WIF1: variants seen among roughly 807,000 people sequenced by gnomAD.
WIF1 encodes the protein Wnt inhibitory factor 1.
In WIF1, 35 loss-of-function variants were observed where a neutral mutation model predicts 53.5. The ratio of observed to expected loss-of-function variants is 0.65; its 90% CI spans 0.50 to 0.87. The LOEUF (loss-of-function observed/expected upper bound fraction) is 0.87. WIF1 is among the 40% of genes least tolerant of loss of function. WIF1 has a pLI of 0.00. For missense variants in WIF1, 467 were observed against 476.8 expected (o/e 0.98, Z 0.19); for synonymous variants, 171 against 170.4 (o/e 1.00, Z -0.03).
intron 7 of WIF1, among the ~76,000 whole-genome samples, chr12:65,061,760 A>ATTT (rs958478519): frequency 2.0e-5 from 3 of 152,198 alleles, no homozygotes; most frequent in African/African-American, 7.2e-5. Context: ...AGATATTTTT[A>ATTT]TTTACATAAA....
rs531152628 is a variant in WIF1 at position 65,099,340 on chromosome 12, C to T, written c.288+21077G>A. On this transcript the variant is annotated intron_variant, in intron 2 of 9. Transcript: ENST00000286574. ...AATGATTTCCCTCCATCAGACCTGC[C>T]CATTTCCCTCCTATTTGCCGCATGT... is the stretch of plus-strand genomic sequence containing the variant. 3.4e-3 allele frequency among the ~76,000 whole-genome samples: 511 copies of T among 152,256 alleles called. 2 individuals are homozygous for T. Among genetic ancestry groups the T allele is most frequent in the Non-Finnish European group, 6.0e-3 (411 of 68,024 alleles).
At chr12:65,108,565 G>A (rs1329773860) in intron 2 of WIF1, among the ~76,000 whole-genome samples, 2 of 152,126 alleles carry the variant, frequency 1.3e-5, no homozygotes, top group Non-Finnish European at 2.9e-5. Context: ...CAATCTCAAA[G>A]TCATCTCTAT....
chr12:65,079,764 A>G (rs1366181772), intron 2 of WIF1, among the ~76,000 whole-genome samples: 3 of 152,180 alleles, frequency 2.0e-5, no homozygotes, highest in African/African-American at 4.8e-5. Context: ...TTACCTGTAG[A>G]GACATCCAGA....
intron 2 of WIF1, among the ~76,000 whole-genome samples, chr12:65,116,247 G>GT (rs1159188100): frequency 2.0e-5 from 3 of 152,128 alleles, no homozygotes; most frequent in African/African-American, 4.8e-5. Context: ...TCCATGGCCT[G>GT]TTAGGAACCA....
chr12:65,052,156 C>T (rs7960504), intron 9 of WIF1, among the ~76,000 whole-genome samples: 61,987 of 151,970 alleles, frequency 0.41, 13,132 homozygotes, highest in African/African-American at 0.5. Flanking sequence ...CATTTCTCAT[C>T]TCCTAAAACT....
chr12:65,068,625 T>C (rs1246081299), intron 4 of WIF1, 139 bp downstream of exon 4: 8 of 1,145,626 alleles, frequency 7.0e-6, no homozygotes, highest in Non-Finnish European at 9.7e-6. Flanking sequence ...TTGCTGTAGT[T>C]ATAGAGCCAT....
chr12:65,095,383 C>T (rs1363618230), intron 2 of WIF1, among the ~76,000 whole-genome samples: 2 of 152,154 alleles, frequency 1.3e-5, no homozygotes, highest in Admixed American at 6.5e-5. Flanking sequence ...AACTTTTCCT[C>T]TTGTAAATAT....
intron 2 of WIF1, among the ~76,000 whole-genome samples, chr12:65,112,674 C>T (rs887040026): frequency 2.6e-5 from 4 of 152,154 alleles, no homozygotes; most frequent in African/African-American, 9.7e-5. Flanking sequence ...GACTCTCTCT[C>T]CATTATTTGG....
In WIF1 at chr12:65,051,452, A is replaced by G. The variant is rs984091194; in HGVS notation, c.1037T>C (p.Ile346Thr). 3.7e-6 allele frequency: 6 copies of G among 1,611,444 alleles called. No individual in the cohort carries two copies. The highest frequency in any genetic ancestry group is 5.1e-6 in the Non-Finnish European group (6 of 1,179,042). The change falls in exon 10 of 10, where the codon ATA (isoleucine) becomes ACA (threonine). Residue 346 changes from isoleucine (I) to threonine (T), a missense_variant. By Grantham distance (89) the Ile-to-Thr change is moderately conservative (BLOSUM62 -1). Transcript: ENST00000286574. ...GGCGCCTGCTGGCCTCAGGGCATGT[A>G]TGAGGCTGGCTTCGTACCCTGCAAA... Reference protein sequence around the residue: ...HCNKRYEASLIHALRPAGAQL... With the variant: ...HCNKRYEASLTHALRPAGAQL...
At chr12:65,082,715 T>C (rs1459798186) in intron 2 of WIF1, among the ~76,000 whole-genome samples, 1 of 152,184 alleles carries the variant, frequency 6.6e-6, no homozygotes, top group Non-Finnish European at 1.5e-5. Flanking sequence ...GTTCTGGCAC[T>C]CCTTTTAGGG....
chr12:65,119,858 A>G (rs1419221669), intron 2 of WIF1, among the ~76,000 whole-genome samples: 1 of 152,250 alleles, frequency 6.6e-6, no homozygotes, highest in Admixed American at 6.5e-5. Flanking sequence ...ATATGAAAGC[A>G]TTTAAAATGG....
chr12:65,089,942 A>AT (rs11388923), intron 2 of WIF1, among the ~76,000 whole-genome samples: 83,158 of 151,990 alleles, frequency 0.55, 25,163 homozygotes, highest in East Asian at 0.87. Flanking sequence ...TGACTAATCT[A>AT]TTTTTTGTGG....
rs1360500675 is a variant in WIF1, at chr12:65,067,856, G to C, written c.539-66C>G. 3 of 1,372,032 alleles carry C rather than the reference G, an allele frequency of 2.2e-6. No individual in the cohort carries two copies. The East Asian group carries it at 7.0e-5, about 32-fold the overall frequency. The allele number at this position is 1,372,032 out of a possible 1,614,324, so 85.0% of individuals were successfully genotyped here. ...AATCATGTTGGGTGAATCACAGCCA[G>C]TGTGAGACAGTAGTGTTCATTTCTG... On this transcript the variant is annotated intron_variant, in intron 4 of 9. Coordinates refer to ENST00000286574, the MANE Select transcript of WIF1 (RefSeq NM_007191.5).
chr12:65,077,354 T>G (rs113762805), intron 3 of WIF1, among the ~76,000 whole-genome samples: 7 of 94,966 alleles, frequency 7.4e-5, no homozygotes, highest in Admixed American at 2.5e-4. Flanking sequence ...TTTTGGGGAA[T>G]TTTCTTGACT....
intron 9 of WIF1, among the ~76,000 whole-genome samples, chr12:65,054,535 G>T (rs1234839610): frequency 6.6e-6 from 1 of 152,104 alleles, no homozygotes; most frequent in Non-Finnish European, 1.5e-5. Flanking sequence ...ATTTTTGGTA[G>T]TAAATTTTGA....
intron 2 of WIF1, among the ~76,000 whole-genome samples, chr12:65,087,949 C>T (rs1429237587): frequency 6.6e-6 from 1 of 152,114 alleles, no homozygotes; most frequent in Non-Finnish European, 1.5e-5. Flanking sequence ...TAGAAAAAGT[C>T]ATTGCCTAAA....
intron 3 of WIF1, among the ~76,000 whole-genome samples, chr12:65,076,558 C>T (rs772215147): frequency 6.6e-6 from 1 of 152,076 alleles, no homozygotes; most frequent in South Asian, 2.1e-4. Context: ...TTTTAGGAAT[C>T]GATTTTAACA....
intron 7 of WIF1, among the ~76,000 whole-genome samples, chr12:65,057,265 G>C (rs1882543476): frequency 6.6e-6 from 1 of 152,188 alleles, no homozygotes; most frequent in Middle Eastern, 3.2e-3. Flanking sequence ...TCACAACAAT[G>C]CATTTTCCTG....
chr12:65,090,976 G>C (rs983475898), intron 2 of WIF1, among the ~76,000 whole-genome samples: 1 of 152,208 alleles, frequency 6.6e-6, no homozygotes, highest in South Asian at 2.1e-4. Context: ...AATGCATTGT[G>C]GGTATAGGGA....
Sources: gnomAD v4.1 joint callset for allele counts (sites outside exome capture counted in the v4.1 genomes callset) on GRCh38, gnomAD v4.1.1 for gene constraint, MANE v1.5 for transcripts, NCBI Gene and HGNC (gene_info 2026-07-23, HGNC 2026-07-21) for gene names.